SOX6: variants seen among roughly 807,000 people sequenced by gnomAD.
The protein encoded by SOX6 is transcription factor SOX-6.
A neutral mutation model predicts 97.8 loss-of-function variants in SOX6; 11 were observed. The observed-to-expected ratio is 0.11, with a 90% confidence interval of 0.07 to 0.19. The LOEUF (loss-of-function observed/expected upper bound fraction) is 0.19, where lower values mean the gene tolerates loss of function less well. SOX6 is among the 10% of genes least tolerant of loss of function. The pLI is 1.00. For synonymous variants in SOX6, 360 were observed against 371.4 expected (o/e 0.97, Z 0.35); for missense variants, 810 against 1,039.5 (o/e 0.78, Z 3.04).
chr11:16,573,660 T>A (rs1398061956), intron 4 of SOX6, among the ~76,000 whole-genome samples: 1 of 152,226 alleles, frequency 6.6e-6, no homozygotes, highest in Non-Finnish European at 1.5e-5. Context: ...GCTGTGCAGA[T>A]AGTTAATAAA....
intron 3 of SOX6, among the ~76,000 whole-genome samples, chr11:16,636,382 C>T (rs1848790255): frequency 6.6e-6 from 1 of 152,160 alleles, no homozygotes; most frequent in South Asian, 2.1e-4. Context: ...GTCAATTTCT[C>T]CCATTAGGAA....
chr11:16,284,720 G>GTAATAGAAAC (rs1319651656), intron 3 of SOX6, among the ~76,000 whole-genome samples: 2 of 152,048 alleles, frequency 1.3e-5, no homozygotes, highest in Non-Finnish European at 2.9e-5. Flanking sequence ...AAGTGTGGGT[G>GTAATAGAAAC]CAATAGAAAC....
Position 15,972,641 on chromosome 11 carries a change from T to G in SOX6, c.*168A>C. Reference sequence around the variant, plus strand: ...AACAATAACAACAAAAAACTCAAGTTCATGAAAAATCAGGGAAAACTTAAT... The same window carrying G: ...AACAATAACAACAAAAAACTCAAGTGCATGAAAAATCAGGGAAAACTTAAT... On this transcript the variant is annotated 3_prime_UTR_variant, in exon 16 of 16. Coordinates refer to ENST00000683767, the MANE Select transcript of SOX6 (RefSeq NM_001367873.1). The G allele has an allele frequency of 2.8e-6, 2 of 708,760 alleles. No individual in the cohort carries two copies. The highest frequency in any genetic ancestry group is 3.8e-5 in the South Asian group (2 of 53,330). The allele number at this position is 708,760 out of a possible 1,614,324, so 43.9% of individuals were successfully genotyped here. A position where few individuals can be genotyped will look rare whatever the true frequency, so the allele number is the denominator to read the frequency against.
At chr11:16,606,556 G>A (rs901509774) in intron 4 of SOX6, among the ~76,000 whole-genome samples, 2 of 152,188 alleles carry the variant, frequency 1.3e-5, no homozygotes, top group Non-Finnish European at 2.9e-5. Flanking sequence ...ACTTCACGGA[G>A]ACTTACAAAT....
intron 11 of SOX6, among the ~76,000 whole-genome samples, chr11:16,049,134 T>C (rs1166522625): frequency 6.6e-6 from 1 of 152,110 alleles, no homozygotes; most frequent in Non-Finnish European, 1.5e-5. Context: ...GTCACATAGC[T>C]AGAAAATGAA....
intron 4 of SOX6, among the ~76,000 whole-genome samples, chr11:16,206,887 T>A (rs1297119959): frequency 6.6e-6 from 1 of 152,178 alleles, no homozygotes; most frequent in South Asian, 2.1e-4. Flanking sequence ...GATATGATCA[T>A]GTCACTCTCT....
intron 3 of SOX6, chr11:16,317,923 T>C (rs1313558213): frequency 4.4e-6 from 2 of 450,782 alleles, no homozygotes; most frequent in Non-Finnish European, 4.5e-6. Context: ...TGTGGGATGT[T>C]GCAAGAGATG....
Position 16,103,656 on chromosome 11 carries a change from G to GGT in SOX6, c.899-5970_899-5969dup, listed in dbSNP as rs749384103. The stretch of plus-strand genomic sequence containing the variant: ...ATCTACGCATGGATAAAGAAAATGT[G>GGT]GTATATATATATATACACCATGGAA... On this transcript the variant is annotated intron_variant, in intron 7 of 15. Transcript: ENST00000683767. 5.5e-4 allele frequency among the ~76,000 whole-genome samples: 84 copies of GGT among 151,546 alleles called. No homozygotes were observed. In the East Asian group the frequency reaches 0.015, roughly 27 times the overall value.
At chr11:16,670,877 AATGGGAAGAGGAGTCCCCATCACT>A in intron 3 of SOX6, among the ~76,000 whole-genome samples, 1 of 106,056 alleles carries the variant, frequency 9.4e-6, no homozygotes, top group East Asian at 4.2e-4. Flanking sequence ...GCCATCACTC[AATGGGAAGAGGAGTCCCCATCACT>A]CAATGAGAGG....
chr11:16,055,980 T>C, intron 9 of SOX6, 79 bp from the exon 10 acceptor site: 1 of 1,499,724 alleles, frequency 6.7e-7, no homozygotes, highest in East Asian at 2.3e-5. Context: ...CTTACCATAT[T>C]GTTAGATTTC....
chr11:16,145,388 A>C (rs956276346), intron 6 of SOX6, among the ~76,000 whole-genome samples: 9 of 152,320 alleles, frequency 5.9e-5, no homozygotes, highest in Admixed American at 5.9e-4. Context: ...ACCCACAGCC[A>C]ATATAATACT....
chr11:16,090,902 C>T (rs538069798), intron 9 of SOX6, among the ~76,000 whole-genome samples: 4 of 151,950 alleles, frequency 2.6e-5, no homozygotes, highest in Admixed American at 6.6e-5. Flanking sequence ...GATGATGGTT[C>T]AGGGAACATT....
chr11:16,276,686 T>C (rs540564047), intron 3 of SOX6, among the ~76,000 whole-genome samples: 1 of 152,314 alleles, frequency 6.6e-6, no homozygotes, highest in Non-Finnish European at 1.5e-5. Context: ...AGTCCTAACA[T>C]TGTCAACCTC....
intron 4 of SOX6, among the ~76,000 whole-genome samples, chr11:16,217,449 G>A (rs1294860557): frequency 1.3e-5 from 2 of 151,826 alleles, no homozygotes; most frequent in Non-Finnish European, 2.9e-5. Context: ...TTTATAATAT[G>A]GTCAGAGGTA....
At chr11:16,301,563 G>A (rs1257552911) in intron 3 of SOX6, among the ~76,000 whole-genome samples, 1 of 152,148 alleles carries the variant, frequency 6.6e-6, no homozygotes, top group Non-Finnish European at 1.5e-5. Flanking sequence ...TGATGCCAAT[G>A]CTACTGACAG....
At chr11:16,012,376 C>T (rs138748761) in intron 13 of SOX6, among the ~76,000 whole-genome samples, 167 of 152,084 alleles carry the variant, frequency 1.1e-3, no homozygotes, top group African/African-American at 3.8e-3. Context: ...CACTGCACTT[C>T]GGTCGGTATT....
intron 6 of SOX6, among the ~76,000 whole-genome samples, chr11:16,158,237 A>T (rs1370110336): frequency 6.6e-6 from 1 of 151,774 alleles, no homozygotes; most frequent in Non-Finnish European, 1.5e-5. Flanking sequence ...GCTCCTCTCA[A>T]ATCCCCCCTT....
chr11:16,094,981 G>A (rs1848763076), intron 9 of SOX6, among the ~76,000 whole-genome samples: 2 of 151,814 alleles, frequency 1.3e-5, no homozygotes, highest in African/African-American at 4.8e-5. Flanking sequence ...AGCAGAAAAG[G>A]TAACGTCAAA....
At chr11:16,097,006 G>T (rs2133975038) in intron 8 of SOX6, among the ~76,000 whole-genome samples, 1 of 151,780 alleles carries the variant, frequency 6.6e-6, no homozygotes, top group Non-Finnish European at 1.5e-5. Flanking sequence ...AGAAGATAAG[G>T]TGTAAATGAT....
Sources: gnomAD v4.1 joint callset for allele counts (sites outside exome capture counted in the v4.1 genomes callset) on GRCh38, gnomAD v4.1.1 for gene constraint, MANE v1.5 for transcripts, NCBI Gene and HGNC (gene_info 2026-07-23, HGNC 2026-07-21) for gene names.